The following GPHN variants were observed in gnomAD, a reference collection of about 807,000 sequenced individuals.
GPHN encodes gephyrin.
Under a neutral mutation model 95.5 loss-of-function variants are expected in GPHN, and 17 were observed. The observed-to-expected ratio is 0.18, with a 90% CI of 0.12 to 0.27. GPHN has a LOEUF of 0.27. GPHN is among the 10% of genes least tolerant of loss of function. The pLI, the probability that GPHN is intolerant of heterozygous loss-of-function variation, is 1.00. For missense variants in GPHN, 660 were observed against 978.1 expected (o/e 0.67, Z 4.34); for synonymous variants, 320 against 322.5 (o/e 0.99, Z 0.08).
intron 10 of GPHN, among the ~76,000 whole-genome samples, chr14:67,031,218 T>C (rs1364338646): frequency 6.6e-6 from 1 of 152,226 alleles, no homozygotes; most frequent in Non-Finnish European, 1.5e-5. Flanking sequence ...TTCTGGTTAG[T>C]TTTCTTGCAT....
intron 3 of GPHN, among the ~76,000 whole-genome samples, chr14:66,821,698 G>A (rs2061196929): frequency 6.6e-6 from 1 of 152,126 alleles, no homozygotes; most frequent in African/African-American, 2.4e-5. Flanking sequence ...CCAAGTGACT[G>A]AATGATAGGA....
the GPHN span, among the ~76,000 whole-genome samples, chr14:67,238,022 C>A: frequency 6.6e-6 from 1 of 152,114 alleles, no homozygotes; most frequent in African/African-American, 2.4e-5. Flanking sequence ...AACCCCTTTA[C>A]ATTATAGATG....
chr14:66,517,626 G>C (rs1482400201), intron 1 of GPHN, among the ~76,000 whole-genome samples: 1 of 152,128 alleles, frequency 6.6e-6, no homozygotes, highest in Non-Finnish European at 1.5e-5. Context: ...CGAGAACCCA[G>C]AAATTAATCC....
In GPHN at chr14:66,557,104, G is replaced by C. The variant is rs142141240; in HGVS notation, c.64+48513G>C. Among the ~76,000 whole-genome samples the C allele has an allele frequency of 3.0e-3, 454 of 152,212 alleles. 3 individuals carry two copies. Among genetic ancestry groups the C allele is most frequent in the African/African-American group, 0.011 (436 of 41,506 alleles). ...TGCATGTAGTCCCAGTTACTCAGGA[G>C]GCTGAGGCTGGAGGATTTCTGGAGC... On this transcript the variant is annotated intron_variant, in intron 1 of 22. Coordinates refer to ENST00000478722, the MANE Select transcript of GPHN (RefSeq NM_020806.5).
At chr14:66,977,254 A>C (rs2153596205) in intron 9 of GPHN, among the ~76,000 whole-genome samples, 1 of 152,142 alleles carries the variant, frequency 6.6e-6, no homozygotes, top group Admixed American at 6.5e-5. Flanking sequence ...ACACGGAGAA[A>C]CCCTGTCTCT....
chr14:66,685,312 T>C (rs2067271569), intron 2 of GPHN, among the ~76,000 whole-genome samples: 1 of 152,236 alleles, frequency 6.6e-6, no homozygotes, highest in Admixed American at 6.5e-5. Context: ...TCTAGATCCC[T>C]GAGGAATCGC....
the GPHN span, among the ~76,000 whole-genome samples, chr14:67,637,410 C>CAAAA: frequency 9.1e-4 from 94 of 103,580 alleles, no homozygotes; most frequent in East Asian, 2.7e-3. Flanking sequence ...GACTCTGTCT[C>CAAAA]AAAAAAAAAA....
chr14:67,391,485 A>T, the GPHN span, among the ~76,000 whole-genome samples: 1 of 152,082 alleles, frequency 6.6e-6, no homozygotes, highest in South Asian at 2.1e-4. Context: ...TGGTGTAGAC[A>T]GGCAGCAGTG....
At chr14:66,623,657 G>T (rs1042785143) in intron 1 of GPHN, among the ~76,000 whole-genome samples, 1 of 150,310 alleles carries the variant, frequency 6.7e-6, no homozygotes, top group East Asian at 2.0e-4. Context: ...ATGCTTATTG[G>T]TGTATGTGCC....
chr14:66,878,938 C>T (rs1048753129), intron 4 of GPHN, among the ~76,000 whole-genome samples: 6 of 151,930 alleles, frequency 3.9e-5, no homozygotes, highest in African/African-American at 7.3e-5. Flanking sequence ...TTCACAATAG[C>T]GAAGACTTGG....
At chr14:67,627,224 T>C in the GPHN span, among the ~76,000 whole-genome samples, 1 of 143,748 alleles carries the variant, frequency 7.0e-6, no homozygotes, top group Non-Finnish European at 1.5e-5. Flanking sequence ...ATCTCAATAA[T>C]TAAAAAACTA....
At chr14:67,371,510 TATC>T in the GPHN span, among the ~76,000 whole-genome samples, 5 of 152,196 alleles carry the variant, frequency 3.3e-5, no homozygotes, top group African/African-American at 1.2e-4. Context: ...AAAAATGTCT[TATC>T]ATGCAAATTT....
the GPHN span, among the ~76,000 whole-genome samples, chr14:67,433,637 T>C: frequency 2.0e-5 from 3 of 152,062 alleles, no homozygotes; most frequent in Non-Finnish European, 4.4e-5. Flanking sequence ...ATCAAAAAAA[T>C]TTTTGTGGGG....
chr14:67,566,628 G>A, the GPHN span, among the ~76,000 whole-genome samples: 11 of 152,172 alleles, frequency 7.2e-5, no homozygotes, highest in East Asian at 1.2e-3. Context: ...CATGCCGGTA[G>A]TCCCAGCTAC....
rs1421102336 is a variant in GPHN, at chr14:67,147,206, T to C, written c.1836+3757T>C. ...TACTACATAAAAGTTAGCTAAGCTATATCACCTCAGAAGCCTGTACTCAAG... is the reference window on the plus strand; with the variant it reads ...TACTACATAAAAGTTAGCTAAGCTACATCACCTCAGAAGCCTGTACTCAAG... On this transcript the variant is annotated intron_variant, in intron 18 of 22. Transcript: ENST00000478722. 3.3e-5 allele frequency among the ~76,000 whole-genome samples: 5 copies of C among 152,358 alleles called. No homozygotes were observed. In the East Asian group the frequency reaches 9.6e-4, roughly 29 times the overall value.
chr14:67,029,038 G>T (rs1176227868), intron 10 of GPHN, among the ~76,000 whole-genome samples: 3 of 152,052 alleles, frequency 2.0e-5, no homozygotes, highest in Non-Finnish European at 2.9e-5. Flanking sequence ...GGTGATTTTT[G>T]TATATAATAA....
At chr14:67,294,650 C>G in the GPHN span, 1 of 151,334 alleles carries the variant, frequency 6.6e-6, no homozygotes, top group Non-Finnish European at 1.5e-5. Context: ...CTAATAAACA[C>G]AAACCAAATT....
chr14:66,987,844 A>G (rs1315418348), intron 9 of GPHN, among the ~76,000 whole-genome samples: 1 of 152,120 alleles, frequency 6.6e-6, no homozygotes, highest in Non-Finnish European at 1.5e-5. Flanking sequence ...TGAGAAATGT[A>G]TAATGCTATG....
the GPHN span, chr14:67,563,038 G>A: frequency 1.3e-6 from 1 of 781,370 alleles, no homozygotes; most frequent in South Asian, 1.9e-5. Flanking sequence ...TGGAGCCTGT[G>A]CAGACCACAC....
Sources: allele counts gnomAD v4.1 joint callset (sites outside exome capture counted in the v4.1 genomes callset), GRCh38; gene constraint gnomAD v4.1.1; transcripts MANE v1.5; gene names NCBI Gene and HGNC (gene_info 2026-07-23, HGNC 2026-07-21).